Variants in WWP1 observed in about 807,000 individuals in gnomAD.
WWP1 encodes NEDD4-like E3 ubiquitin-protein ligase WWP1.
A neutral mutation model predicts 130.6 loss-of-function variants in WWP1; 49 were observed. The observed-to-expected ratio is 0.38, with a 90% confidence interval of 0.30 to 0.48. The LOEUF (loss-of-function observed/expected upper bound fraction) is 0.48. Ranked by LOEUF, WWP1 falls within the 20% of genes least tolerant of loss-of-function variation. The probability of loss-of-function intolerance (pLI) is 0.99; values close to 1 mark genes in which losing one functional copy is unlikely to be tolerated. For missense variants in WWP1, 809 were observed against 1,100.6 expected, an observed-to-expected ratio of 0.74 and a Z score of 3.75; for synonymous variants, 332 against 367.8, an observed-to-expected ratio of 0.90 and a Z score of 1.11.
chr8:86,380,493 C>T (rs1171835370), intron 3 of WWP1, among the ~76,000 whole-genome samples: 2 of 152,152 alleles, frequency 1.3e-5, no homozygotes, highest in African/African-American at 2.4e-5. Context: ...TTGAATTGTA[C>T]AGTTTAAGTG....
At chr8:86,379,321 C>T (rs186513601) in intron 3 of WWP1, among the ~76,000 whole-genome samples, 424 of 152,232 alleles carry the variant, frequency 2.8e-3, no homozygotes, top group African/African-American at 9.6e-3. Context: ...GCTATGTTGC[C>T]GGTACTTAAA....
chr8:86,466,096 C>G (rs1379812539), intron 24 of WWP1, among the ~76,000 whole-genome samples: 1 of 152,168 alleles, frequency 6.6e-6, no homozygotes, highest in African/African-American at 2.4e-5. Context: ...ACCCTGAACA[C>G]CCGAATCCTA....
chr8:86,345,992 T>G (rs1028257339), intron 1 of WWP1, among the ~76,000 whole-genome samples: 2 of 152,220 alleles, frequency 1.3e-5, no homozygotes, highest in African/African-American at 2.4e-5. Flanking sequence ...ATGAAGATAA[T>G]GCAGTGGCTT....
chr8:86,412,842 T>C (rs1808667702), intron 9 of WWP1, among the ~76,000 whole-genome samples: 1 of 152,154 alleles, frequency 6.6e-6, no homozygotes, highest in African/African-American at 2.4e-5. Flanking sequence ...ATTATTATTA[T>C]TTTGGAGCAG....
intron 8 of WWP1, chr8:86,405,238 G>C (rs937027316): frequency 6.6e-6 from 1 of 151,980 alleles, no homozygotes; most frequent in Non-Finnish European, 1.5e-5. Context: ...TGGGATAGGG[G>C]TGTGCATATT....
intron 22 of WWP1, among the ~76,000 whole-genome samples, chr8:86,459,766 T>C (rs1479095050): frequency 6.6e-6 from 1 of 152,248 alleles, no homozygotes; most frequent in Admixed American, 6.5e-5. Flanking sequence ...CGGTGTTCCA[T>C]GGCTTTCTGT....
rs1052021837 is a variant in WWP1, at chr8:86,411,688, A to G, written c.875A>G (p.Asn292Ser). 7 of 1,614,068 alleles carry G rather than the reference A, an allele frequency of 4.3e-6. No individual in the cohort carries two copies. The highest frequency in any genetic ancestry group is 5.9e-6 in the Non-Finnish European group (7 of 1,180,044). Residue 292 changes from asparagine to serine, a missense_variant, in exon 9 of 25, where the codon AAC becomes AGC. This residue lies in a region of WWP1 where 262 missense variants were observed against 346.0 expected (regional missense o/e 0.76). Transcript: ENST00000517970. The stretch of plus-strand genomic sequence containing the variant: ...CAAGAAATACTGACTTCCTCAGAAA[A>G]CAATGAATGTATTCCTTCTACCAGT... Reference protein sequence around the residue: ...PVQEILTSSENNECIPSTSAE... With the variant: ...PVQEILTSSESNECIPSTSAE...
At chr8:86,368,819 C>G (rs1186175903) in intron 1 of WWP1, 120 bp from the exon 2 acceptor site, 3 of 152,120 alleles carry the variant, frequency 2.0e-5, no homozygotes, top group African/African-American at 7.2e-5. Flanking sequence ...CTCTGTGATC[C>G]CTTTCTTGAT....
chr8:86,456,666 A>G lies in WWP1; in HGVS notation c.2395-1255A>G, dbSNP rs370361941. On this transcript the variant is annotated intron_variant, in intron 21 of 24. Transcript: ENST00000517970. ...CTCATACATACATGTTAATCATTTT[A>G]TTCATCAATGCTAAAAATTGAAAGT... Among the ~76,000 whole-genome samples, 29 of 152,108 alleles carry G rather than the reference A, an allele frequency of 1.9e-4. 1 individual carries two copies. The South Asian group carries it at 3.1e-3, about 16-fold the overall frequency.
At chr8:86,454,320 T>C (rs1199492777) in intron 21 of WWP1, among the ~76,000 whole-genome samples, 1 of 152,108 alleles carries the variant, frequency 6.6e-6, no homozygotes, top group African/African-American at 2.4e-5. Flanking sequence ...CATATTATTC[T>C]TTTTCTCAAA....
At chr8:86,415,114 T>C (rs1369431345) in intron 9 of WWP1, among the ~76,000 whole-genome samples, 1 of 152,174 alleles carries the variant, frequency 6.6e-6, no homozygotes, top group Non-Finnish European at 1.5e-5. Flanking sequence ...AGATAACATT[T>C]GAGTGTTATG....
intron 14 of WWP1, among the ~76,000 whole-genome samples, chr8:86,433,290 A>G (rs899757569): frequency 9.1e-6 from 1 of 109,702 alleles, no homozygotes; most frequent in Non-Finnish European, 1.7e-5. Context: ...ACTCAGTATT[A>G]TGCTTTTAAA....
At chr8:86,463,165 T>C (rs1811856604) in intron 24 of WWP1, among the ~76,000 whole-genome samples, 1 of 152,196 alleles carries the variant, frequency 6.6e-6, no homozygotes, top group Non-Finnish European at 1.5e-5. Context: ...CTTAGGTATT[T>C]GACAGACATT....
At chr8:86,398,723 A>G (rs1362906923) in intron 7 of WWP1, 85 bp downstream of exon 7, 2 of 1,443,206 alleles carry the variant, frequency 1.4e-6, no homozygotes, top group Admixed American at 3.6e-5. Context: ...ACCTTAGTTT[A>G]GAATTTGCCA....
chr8:86,455,499 T>A (rs1586503392), intron 21 of WWP1, among the ~76,000 whole-genome samples: 2 of 152,142 alleles, frequency 1.3e-5, no homozygotes, highest in African/African-American at 2.4e-5. Context: ...GTTAATACTT[T>A]AAAAATCAAT....
At chr8:86,418,241 A>C (rs1051863714) in intron 9 of WWP1, among the ~76,000 whole-genome samples, 1 of 152,082 alleles carries the variant, frequency 6.6e-6, no homozygotes, top group Admixed American at 6.5e-5. Context: ...TAGTATACTG[A>C]TTTGCAAAAC....
intron 12 of WWP1, 45 bp downstream of exon 12, chr8:86,430,796 T>A: frequency 3.2e-6 from 1 of 316,198 alleles, no homozygotes; most frequent in Non-Finnish European, 4.8e-6. Flanking sequence ...TATATATCTC[T>A]CCATATATAT....
rs895951000 is a variant in WWP1 at position 86,342,869 on chromosome 8, C to T, written c.-176C>T. ...GGCGCGGAAGGGTGAGGGCGCCCGCCGCAGGAGGAGGTGCCGCTGCCGTGG... is the reference window on the plus strand; with the variant it reads ...GGCGCGGAAGGGTGAGGGCGCCCGCTGCAGGAGGAGGTGCCGCTGCCGTGG... On this transcript the variant is annotated 5_prime_UTR_variant, in exon 1 of 25. Coordinates refer to ENST00000517970, the MANE Select transcript of WWP1 (RefSeq NM_007013.4). 3.6e-5 allele frequency: 13 copies of T among 360,672 alleles called. No individual in the cohort carries two copies. Among genetic ancestry groups the T allele is most frequent in the Non-Finnish European group, 6.4e-5 (13 of 201,764 alleles). The allele number at this position is 360,672 out of a possible 1,614,324, so 22.3% of individuals were successfully genotyped here. A position where few individuals can be genotyped will look rare whatever the true frequency, so the allele number is the denominator to read the frequency against.
intron 1 of WWP1, among the ~76,000 whole-genome samples, chr8:86,356,136 T>G (rs1823241426): frequency 7.1e-6 from 1 of 140,600 alleles, no homozygotes; most frequent in Admixed American, 7.1e-5. Flanking sequence ...TGTTATATTT[T>G]GGAGTCAGAG....
Sources: allele counts gnomAD v4.1 joint callset (sites outside exome capture counted in the v4.1 genomes callset), GRCh38; gene constraint gnomAD v4.1.1; regional missense constraint gnomAD v4.1.1; transcripts MANE v1.5; gene names NCBI Gene and HGNC (gene_info 2026-07-23, HGNC 2026-07-21).